The following RBFOX1 variants were observed in gnomAD, a reference collection of about 807,000 sequenced individuals.
RBFOX1 encodes the protein RNA binding fox-1 homolog 1.
In RBFOX1, 8 loss-of-function variants were observed where a neutral mutation model predicts 57.7. The observed-to-expected ratio is 0.14, with a 90% CI of 0.08 to 0.25. The LOEUF (loss-of-function observed/expected upper bound fraction) is 0.25, where lower values mean the gene tolerates loss of function less well. Among genes scored for constraint, RBFOX1 ranks in the 10% least tolerant of loss-of-function variants. The probability of loss-of-function intolerance (pLI) is 1.00; values close to 1 mark genes in which losing one functional copy is unlikely to be tolerated. For missense variants in RBFOX1, 611 were observed against 548.5 expected (o/e 1.11, Z -1.14); for synonymous variants, 326 against 222.4 (o/e 1.47, Z -4.15).
chr16:7,444,670 C>T (rs528989364), intron 4 of RBFOX1, among the ~76,000 whole-genome samples: 14 of 152,044 alleles, frequency 9.2e-5, no homozygotes, highest in Non-Finnish European at 1.5e-4. Flanking sequence ...GTAGCTGTAC[C>T]ATAGGTGCAC....
At chr16:5,282,247 C>G (rs972140789) in intron 1 of RBFOX1, among the ~76,000 whole-genome samples, 1 of 152,180 alleles carries the variant, frequency 6.6e-6, no homozygotes. Context: ...GCCTCCCCAG[C>G]AATGTAGAAC....
chr16:5,673,445 C>A (rs888800318), intron 3 of RBFOX1, among the ~76,000 whole-genome samples: 11 of 152,158 alleles, frequency 7.2e-5, no homozygotes, highest in African/African-American at 2.7e-4. Flanking sequence ...TGTGGATTTC[C>A]TTCCTCTCTC....
intron 2 of RBFOX1, among the ~76,000 whole-genome samples, chr16:6,455,366 T>C (rs1891329): frequency 0.8 from 121,225 of 151,888 alleles, 48,481 homozygotes; most frequent in Middle Eastern, 0.87. Flanking sequence ...GGAAGGGAGA[T>C]GTCACTCCTG....
intron 3 of RBFOX1, among the ~76,000 whole-genome samples, chr16:5,696,395 T>G (rs148991326): frequency 1.2e-4 from 18 of 152,366 alleles, no homozygotes; most frequent in African/African-American, 4.3e-4. Flanking sequence ...CAGCAGAATT[T>G]GTTAACCATT....
chr16:6,655,541 A>G (rs1007197343), intron 3 of RBFOX1, among the ~76,000 whole-genome samples: 1 of 152,066 alleles, frequency 6.6e-6, no homozygotes, highest in Non-Finnish European at 1.5e-5. Context: ...CTTCTTTGCT[A>G]CACTTAATGT....
intron 4 of RBFOX1, among the ~76,000 whole-genome samples, chr16:7,122,906 C>T (rs779688202): frequency 2.6e-5 from 4 of 152,108 alleles, no homozygotes; most frequent in Non-Finnish European, 5.9e-5. Context: ...CAACTTGGAT[C>T]TATTTCAAAA....
chr16:5,332,962 G>A (rs2064795897), intron 1 of RBFOX1, among the ~76,000 whole-genome samples: 1 of 152,100 alleles, frequency 6.6e-6, no homozygotes, highest in East Asian at 1.9e-4. Flanking sequence ...AAGGTGGGCG[G>A]ATCACCTGAG....
chr16:6,600,971 A>C (rs940180319), intron 2 of RBFOX1, among the ~76,000 whole-genome samples: 5 of 152,212 alleles, frequency 3.3e-5, no homozygotes, highest in Admixed American at 3.3e-4. Context: ...TAGCCTCTTA[A>C]ATGTGATTAT....
chr16:6,740,780 G>C (rs756224746), intron 3 of RBFOX1, among the ~76,000 whole-genome samples: 8 of 152,314 alleles, frequency 5.3e-5, no homozygotes, highest in Non-Finnish European at 1.0e-4. Flanking sequence ...ACTTTGTAAA[G>C]ATGCCATTTC....
chr16:6,928,847 TA>T (rs1258559244), intron 3 of RBFOX1, among the ~76,000 whole-genome samples: 1 of 152,126 alleles, frequency 6.6e-6, no homozygotes, highest in Non-Finnish European at 1.5e-5. Context: ...ATCAGCCAGT[TA>T]AAACCACCAC....
At chr16:7,372,102 G>C (rs1187963545) in intron 4 of RBFOX1, among the ~76,000 whole-genome samples, 1 of 152,062 alleles carries the variant, frequency 6.6e-6, no homozygotes, top group Non-Finnish European at 1.5e-5. Flanking sequence ...TGTGATTGTT[G>C]GGTCCAAAAG....
intron 5 of RBFOX1, among the ~76,000 whole-genome samples, chr16:7,551,818 T>A (rs1161195388): frequency 6.6e-6 from 1 of 152,182 alleles, no homozygotes; most frequent in Non-Finnish European, 1.5e-5. Context: ...TGGCGGTGTT[T>A]TTCTTTTTTC....
chr16:6,618,108 C>G (rs2154032074), intron 2 of RBFOX1, among the ~76,000 whole-genome samples: 1 of 152,140 alleles, frequency 6.6e-6, no homozygotes, highest in African/African-American at 2.4e-5. Flanking sequence ...CCCCTTTCTT[C>G]CACCTTATCC....
chr16:5,467,117 T>G (rs1013493906), intron 1 of RBFOX1: 183 of 1,301,190 alleles, frequency 1.4e-4, no homozygotes, highest in Non-Finnish European at 1.7e-4. Context: ...CATTCTTTTT[T>G]AAATCTAAGA....
intron 3 of RBFOX1, among the ~76,000 whole-genome samples, chr16:6,902,630 G>C (rs896145518): frequency 1.3e-5 from 2 of 152,156 alleles, no homozygotes; most frequent in Non-Finnish European, 2.9e-5. Context: ...GCTCAGAAAG[G>C]AGAATTGCTT....
chr16:7,689,364 C>G (rs565262232), intron 14 of RBFOX1, among the ~76,000 whole-genome samples: 5 of 152,204 alleles, frequency 3.3e-5, no homozygotes, highest in African/African-American at 9.6e-5. Flanking sequence ...TGGGAATGAA[C>G]TTGCAGATTT....
At chr16:7,272,487 G>A (rs940910524) in intron 4 of RBFOX1, among the ~76,000 whole-genome samples, 3 of 152,094 alleles carry the variant, frequency 2.0e-5, no homozygotes, top group Admixed American at 6.6e-5. Flanking sequence ...CCTGGCACCC[G>A]TTTCCCTAGT....
chr16:6,403,313 A>T (rs1444912118), intron 2 of RBFOX1, among the ~76,000 whole-genome samples: 1 of 152,168 alleles, frequency 6.6e-6, no homozygotes, highest in Non-Finnish European at 1.5e-5. Flanking sequence ...GGTGTTAAGA[A>T]CCCAAGCAAT....
Position 6,776,567 on chromosome 16 carries a change from A to C in RBFOX1, c.-16+121917A>C, listed in dbSNP as rs75089014. On this transcript the variant is annotated intron_variant, in intron 3 of 15. Transcript: ENST00000550418. Reference sequence around the variant, plus strand: ...TGATCAAGTCTCATCCATGGTTGACACTGTTTGTTGGATGATTTGGACATT... The same window carrying C: ...TGATCAAGTCTCATCCATGGTTGACCCTGTTTGTTGGATGATTTGGACATT... Among the ~76,000 whole-genome samples, 870 of 152,244 alleles carry C rather than the reference A, an allele frequency of 5.7e-3. 13 individuals carry two copies. The highest frequency in any genetic ancestry group is 0.02 in the African/African-American group (831 of 41,508).
Sources: allele counts gnomAD v4.1 joint callset (sites outside exome capture counted in the v4.1 genomes callset), GRCh38; gene constraint gnomAD v4.1.1; transcripts MANE v1.5; gene names NCBI Gene and HGNC (gene_info 2026-07-23, HGNC 2026-07-21).